Variants in LY75 observed in about 807,000 individuals in gnomAD.
The protein encoded by LY75 is lymphocyte antigen 75, also known as C-type lectin domain family 13 member B.
LY75 carries 185 observed loss-of-function variants against 231.7 expected under a neutral mutation model. The ratio of observed to expected loss-of-function variants is 0.80; its 90% CI spans 0.71 to 0.90. The LOEUF is 0.90. Among genes scored for constraint, LY75 ranks in the 40% least tolerant of loss-of-function variants. The pLI is 0.00. For synonymous variants in LY75, 668 were observed against 689.0 expected, an observed-to-expected ratio of 0.97 and a Z score of 0.48; for missense variants, 1,947 against 2,050.2, an observed-to-expected ratio of 0.95 and a Z score of 0.97.
At chr2:159,824,729 G>A (rs544992495) in intron 28 of LY75, among the ~76,000 whole-genome samples, 1 of 152,260 alleles carries the variant, frequency 6.6e-6, no homozygotes, top group South Asian at 2.1e-4. Flanking sequence ...ACACTCCTAA[G>A]CAAAAGCAAA....
chr2:159,853,838 A>G, intron 18 of LY75, 141 bp from the exon 19 acceptor site: 1 of 1,127,538 alleles, frequency 8.9e-7, no homozygotes, highest in Non-Finnish European at 1.3e-6. Flanking sequence ...TATACAAACT[A>G]GAACCTTTTG....
intron 16 of LY75, among the ~76,000 whole-genome samples, chr2:159,857,621 A>G (rs1485975936): frequency 6.6e-6 from 1 of 152,160 alleles, no homozygotes; most frequent in Admixed American, 6.5e-5. Context: ...GGGTGCCTGT[A>G]GTCCCAGCTA....
At chr2:159,844,323 TAAA>T (rs66740962) in intron 23 of LY75, among the ~76,000 whole-genome samples, 7,159 of 133,412 alleles carry the variant, frequency 0.054, 323 homozygotes, top group East Asian at 0.25. Flanking sequence ...GGCCTAATGG[TAAA>T]AAAAAAAAAA....
Position 159,895,152 on chromosome 2 carries a change from T to C in LY75, c.467-1068A>G, listed in dbSNP as rs138868554. Among the ~76,000 whole-genome samples, 576 of 152,320 alleles carry C rather than the reference T, an allele frequency of 3.8e-3. 6 individuals carry two copies. The highest frequency in any genetic ancestry group is 0.013 in the African/African-American group (537 of 41,580). On this transcript the variant is annotated intron_variant, in intron 2 of 34. Transcript: ENST00000263636. ...TCTTTTCCTCCAGTGTCCGTCTAACTAAAGTGTGAGGCCATTTAACAGCTT... is the reference window on the plus strand; with the variant it reads ...TCTTTTCCTCCAGTGTCCGTCTAACCAAAGTGTGAGGCCATTTAACAGCTT...
Position 159,904,727 on chromosome 2 carries a change from G to T in LY75, c.-45C>A. The T allele has an allele frequency of 2.2e-6, 3 of 1,376,554 alleles. No individual in the cohort carries two copies. Among genetic ancestry groups the T allele is most frequent in the Non-Finnish European group, 2.8e-6 (3 of 1,071,784 alleles). 85.3% of individuals were successfully genotyped at this position (1,376,554 alleles called of 1,614,324 possible). ...TCCGGCCGGGTCCTCGGGCGCACGC[G>T]GCTCCCGCCCCGCCTGCTGAGCGCG... On this transcript the variant is annotated 5_prime_UTR_variant, in exon 1 of 35. Transcript: ENST00000263636.
intron 11 of LY75, 146 bp from the exon 12 acceptor site, chr2:159,875,789 GA>G (rs1260215035): frequency 1.2e-5 from 12 of 992,234 alleles, no homozygotes; most frequent in African/African-American, 1.6e-5. Context: ...ATGTTGTTCA[GA>G]ATAATAATGA....
chr2:159,848,858 A>G (rs1684296948), intron 23 of LY75, among the ~76,000 whole-genome samples: 1 of 152,180 alleles, frequency 6.6e-6, no homozygotes, highest in Admixed American at 6.5e-5. Context: ...AGGATAGGAT[A>G]AGACAGGAGA....
chr2:159,901,423 G>T (rs1335465380), intron 1 of LY75, among the ~76,000 whole-genome samples: 1 of 152,188 alleles, frequency 6.6e-6, no homozygotes, highest in Non-Finnish European at 1.5e-5. Context: ...CATCACCCTT[G>T]TTGGAAACAG....
chr2:159,904,505 G>A (rs1198443991), intron 1 of LY75, 84 bp downstream of exon 1: 6 of 1,371,392 alleles, frequency 4.4e-6, no homozygotes, highest in Non-Finnish European at 5.7e-6. Flanking sequence ...CCCCAGGGGC[G>A]CAGCCCTGCC....
intron 23 of LY75, among the ~76,000 whole-genome samples, chr2:159,843,076 T>C (rs1431235024): frequency 4.6e-5 from 7 of 152,002 alleles, no homozygotes; most frequent in Non-Finnish European, 1.0e-4. Context: ...TGGAGCCAAA[T>C]GTGTATTATT....
At chr2:159,810,370 T>G (rs1682923286) in intron 32 of LY75, among the ~76,000 whole-genome samples, 156 bp downstream of exon 32, 1 of 152,200 alleles carries the variant, frequency 6.6e-6, no homozygotes, top group African/African-American at 2.4e-5. Flanking sequence ...TACTTAACCA[T>G]TTCCCTACCA....
intron 25 of LY75, among the ~76,000 whole-genome samples, chr2:159,839,929 C>T (rs11687233): frequency 0.15 from 21,813 of 143,288 alleles, 1,873 homozygotes; most frequent in East Asian, 0.32. Flanking sequence ...TCACTTGAAC[C>T]TTGGAGGTGG....
chr2:159,829,070 T>A (rs1683568490), intron 28 of LY75, among the ~76,000 whole-genome samples: 1 of 152,074 alleles, frequency 6.6e-6, no homozygotes, highest in South Asian at 2.1e-4. Flanking sequence ...AATAAAGCTT[T>A]AAAAAAAGGT....
At position 159,810,637 on chromosome 2, in the gene LY75, G is replaced by C; in HGVS notation, c.4588C>G (p.Pro1530Ala). The C allele has an allele frequency of 6.2e-7, 1 of 1,613,756 alleles. No homozygotes were observed. The highest frequency in any genetic ancestry group is 1.7e-4 in the Middle Eastern group (1 of 6,060). Reference sequence around the variant, plus strand: ...CGTGACCCATTCTCTTTTGCTGCTGGACATCTTGATGAATATGTAAGACGG... The same window carrying C: ...CGTGACCCATTCTCTTTTGCTGCTGCACATCTTGATGAATATGTAAGACGG... ...LSRLTYSSRCPAAKENGSRWI... is the reference protein window; with the variant it reads ...LSRLTYSSRCAAAKENGSRWI... Residue 1530 changes from proline (P) to alanine (A), a missense_variant, in exon 32 of 35, where the codon CCA (proline) becomes GCA (alanine). Pro to Ala is a conservative substitution (Grantham distance 27). Coordinates refer to ENST00000263636, the MANE Select transcript of LY75 (RefSeq NM_002349.4).
chr2:159,836,270 G>T (rs1683823821), intron 25 of LY75, among the ~76,000 whole-genome samples: 2 of 152,188 alleles, frequency 1.3e-5, no homozygotes, highest in South Asian at 4.1e-4. Flanking sequence ...CCGCAACCCA[G>T]GGGCTAGCTG....
At chr2:159,807,801 A>G (rs1320621956) in intron 33 of LY75, 1 of 948,604 alleles carries the variant, frequency 1.1e-6, no homozygotes, top group East Asian at 1.2e-4. Context: ...TCATATTTGT[A>G]CTCTTATTTC....
intron 28 of LY75, among the ~76,000 whole-genome samples, chr2:159,823,798 C>G (rs575190377): frequency 6.6e-6 from 1 of 152,302 alleles, no homozygotes; most frequent in African/African-American, 2.4e-5. Context: ...CAATATTCAA[C>G]ATTCCTAAAG....
At chr2:159,887,559 ACAACAAC>A (rs1685628776) in intron 4 of LY75, among the ~76,000 whole-genome samples, 1 of 115,228 alleles carries the variant, frequency 8.7e-6, no homozygotes, top group African/African-American at 2.9e-5. Flanking sequence ...CTCTGTCTCA[ACAACAAC>A]AAAAAAAAAA....
chr2:159,872,607 A>G lies in LY75; in HGVS notation c.1975-14T>C. On this transcript the variant is annotated splice_polypyrimidine_tract_variant and intron_variant, in intron 12 of 34. Coordinates refer to ENST00000263636, the MANE Select transcript of LY75 (RefSeq NM_002349.4). ...TGCATGGAATACCTTAGCAAAATAT[A>G]ATATTAATTTGTTTTATGGTATTAT... 1.2e-6 allele frequency: 2 copies of G among 1,606,452 alleles called. No individual in the cohort carries two copies. The highest frequency in any genetic ancestry group is 1.7e-6 in the Non-Finnish European group (2 of 1,177,368).
Sources: gnomAD v4.1 joint callset for allele counts (sites outside exome capture counted in the v4.1 genomes callset) on GRCh38, gnomAD v4.1.1 for gene constraint, MANE v1.5 for transcripts, NCBI Gene and HGNC (gene_info 2026-07-23, HGNC 2026-07-21) for gene names.